Variants in NCKAP5 observed in about 807,000 individuals in gnomAD.
The protein encoded by NCKAP5 is nck-associated protein 5.
Under a neutral mutation model 167.0 loss-of-function variants are expected in NCKAP5, and 92 were observed. The observed-to-expected ratio is 0.55, with a 90% CI of 0.47 to 0.66. The LOEUF (loss-of-function observed/expected upper bound fraction) is 0.66. Among genes scored for constraint, NCKAP5 ranks in the 30% least tolerant of loss-of-function variants. The pLI, the probability that NCKAP5 is intolerant of heterozygous loss-of-function variation, is 0.00. For synonymous variants in NCKAP5, 891 were observed against 877.4 expected, an observed-to-expected ratio of 1.02 and a Z score of -0.27; for missense variants, 2,378 against 2,315.0, an observed-to-expected ratio of 1.03 and a Z score of -0.56.
chr2:133,255,595 A>G (rs993596778), intron 4 of NCKAP5, among the ~76,000 whole-genome samples: 1 of 152,182 alleles, frequency 6.6e-6, no homozygotes, highest in African/African-American at 2.4e-5. Flanking sequence ...TGAGGTCTAC[A>G]ATAGATAATG....
intron 3 of NCKAP5, among the ~76,000 whole-genome samples, chr2:133,389,996 C>CT (rs892431767): frequency 3.9e-5 from 6 of 152,168 alleles, no homozygotes; most frequent in Admixed American, 3.3e-4. Flanking sequence ...TGAAGCATCC[C>CT]GATTGACTCC....
At chr2:133,470,039 T>TGGAGGTGAGGAC (rs1692928358) in intron 3 of NCKAP5, among the ~76,000 whole-genome samples, 1 of 152,188 alleles carries the variant, frequency 6.6e-6, no homozygotes, top group African/African-American at 2.4e-5. Flanking sequence ...TCCAGCTTTG[T>TGGAGGTGAGGAC]TCCATTGCTG....
At chr2:132,852,031 T>A (rs975514603) in intron 11 of NCKAP5, among the ~76,000 whole-genome samples, 4 of 152,224 alleles carry the variant, frequency 2.6e-5, no homozygotes, top group South Asian at 2.1e-4. Flanking sequence ...AATACTCTAA[T>A]CTGCATAATC....
At chr2:133,342,527 C>A (rs1559399771) in intron 3 of NCKAP5, among the ~76,000 whole-genome samples, 1 of 152,162 alleles carries the variant, frequency 6.6e-6, no homozygotes, top group South Asian at 2.1e-4. Context: ...GAGGCCTGGG[C>A]AGTTTGCATG....
At chr2:133,491,055 A>G (rs1356741569) in intron 3 of NCKAP5, among the ~76,000 whole-genome samples, 1 of 152,198 alleles carries the variant, frequency 6.6e-6, no homozygotes, top group Admixed American at 6.5e-5. Context: ...AGAGACAGAG[A>G]AGATGAGAAA....
chr2:132,766,903 C>T (rs546225113), intron 16 of NCKAP5, among the ~76,000 whole-genome samples: 1 of 152,310 alleles, frequency 6.6e-6, no homozygotes, highest in Non-Finnish European at 1.5e-5. Context: ...CTCTACCTAA[C>T]TGCAGATGGG....
chr2:133,388,837 G>T (rs577267954), intron 3 of NCKAP5, among the ~76,000 whole-genome samples: 129 of 152,360 alleles, frequency 8.5e-4, no homozygotes, highest in Middle Eastern at 3.4e-3. Flanking sequence ...CTCCGAGCCA[G>T]GTGTGGGATA....
chr2:133,288,945 C>T (rs1679361643), intron 4 of NCKAP5, among the ~76,000 whole-genome samples: 1 of 152,128 alleles, frequency 6.6e-6, no homozygotes, highest in Non-Finnish European at 1.5e-5. Flanking sequence ...GAAATAACTG[C>T]CGAAGTCATT....
chr2:133,422,717 A>C (rs1162205514), intron 3 of NCKAP5, among the ~76,000 whole-genome samples: 1 of 152,162 alleles, frequency 6.6e-6, no homozygotes. Context: ...TCTTTTAAAT[A>C]ATAGAGATAG....
intron 10 of NCKAP5, 24 bp from the exon 11 acceptor site, chr2:132,860,635 G>C (rs1689820041): frequency 6.4e-7 from 1 of 1,552,946 alleles, no homozygotes; most frequent in Admixed American, 2.0e-5. Flanking sequence ...ATCGAAGGAG[G>C]AAAAAGTCCA....
chr2:132,754,328 T>A (rs140002025), intron 16 of NCKAP5, among the ~76,000 whole-genome samples: 1 of 152,318 alleles, frequency 6.6e-6, no homozygotes, highest in African/African-American at 2.4e-5. Context: ...TAGACTGTTG[T>A]AAATGTCATT....
chr2:133,069,865 T>C (rs1043420218), intron 6 of NCKAP5, among the ~76,000 whole-genome samples: 1 of 150,080 alleles, frequency 6.7e-6, no homozygotes, highest in Non-Finnish European at 1.5e-5. Flanking sequence ...CATTGATTTA[T>C]TAAAAATATA....
chr2:133,523,769 G>A (rs766723865), intron 2 of NCKAP5, among the ~76,000 whole-genome samples: 15 of 151,990 alleles, frequency 9.9e-5, no homozygotes, highest in Admixed American at 3.9e-4. Context: ...AGCATCCAAC[G>A]CACCAGCTCC....
intron 4 of NCKAP5, among the ~76,000 whole-genome samples, chr2:133,272,519 ACAAT>A (rs1423920677): frequency 2.0e-5 from 3 of 152,192 alleles, no homozygotes; most frequent in Admixed American, 2.0e-4. Context: ...GGAATCTTGA[ACAAT>A]CAAATAGATT....
intron 11 of NCKAP5, among the ~76,000 whole-genome samples, chr2:132,840,270 C>T (rs1046437638): frequency 2.1e-5 from 3 of 143,984 alleles, no homozygotes; most frequent in African/African-American, 7.8e-5. Context: ...ATTGGCATTG[C>T]ACAGCATTTT....
chr2:133,636,563 A>T, the NCKAP5 span, among the ~76,000 whole-genome samples: 1 of 152,334 alleles, frequency 6.6e-6, no homozygotes, highest in African/African-American at 2.4e-5. Flanking sequence ...AGTGAATAGG[A>T]GCATTTCTGC....
At chr2:132,920,763 A>ATG (rs1558943131) in intron 8 of NCKAP5, among the ~76,000 whole-genome samples, 2 of 69,264 alleles carry the variant, frequency 2.9e-5, no homozygotes, top group African/African-American at 6.8e-5. Flanking sequence ...ATATGTATAT[A>ATG]TATGTATGTA....
At chr2:132,932,602 G>C (rs894152432) in intron 8 of NCKAP5, among the ~76,000 whole-genome samples, 4 of 152,206 alleles carry the variant, frequency 2.6e-5, no homozygotes, top group African/African-American at 9.7e-5. Context: ...CTGCTCAGTA[G>C]AAGGCAGACA....
At chr2:133,300,406 A>G (rs1680301412) in intron 4 of NCKAP5, among the ~76,000 whole-genome samples, 1 of 117,116 alleles carries the variant, frequency 8.5e-6, no homozygotes, top group Non-Finnish European at 1.7e-5. Flanking sequence ...CGAATCCAGC[A>G]GCACATCAAA....
Sources: allele counts gnomAD v4.1 joint callset (sites outside exome capture counted in the v4.1 genomes callset), GRCh38; gene constraint gnomAD v4.1.1; transcripts MANE v1.5; gene names NCBI Gene and HGNC (gene_info 2026-07-23, HGNC 2026-07-21).